Variants in SPHKAP observed in about 807,000 individuals in gnomAD.
SPHKAP encodes the protein SPHK1 interactor, AKAP domain containing.
A neutral mutation model predicts 137.5 loss-of-function variants in SPHKAP; 67 were observed. That is an observed-to-expected ratio of 0.49 (90% CI 0.40 to 0.60). The LOEUF is 0.60. SPHKAP is among the 20% of genes least tolerant of loss of function. SPHKAP has a pLI of 0.00. For missense variants in SPHKAP, 2,097 were observed against 2,069.3 expected (o/e 1.01, Z -0.26); for synonymous variants, 813 against 785.3 (o/e 1.04, Z -0.59).
At chr2:227,999,242 T>C (rs1204429394) in intron 7 of SPHKAP, among the ~76,000 whole-genome samples, 1 of 152,192 alleles carries the variant, frequency 6.6e-6, no homozygotes, top group Non-Finnish European at 1.5e-5. Context: ...ATTTCCAGTA[T>C]GCTATGCTGC....
chr2:228,068,432 G>A (rs1265246767), intron 3 of SPHKAP, among the ~76,000 whole-genome samples: 1 of 151,216 alleles, frequency 6.6e-6, no homozygotes, highest in African/African-American at 2.4e-5. Flanking sequence ...AAGCCATCCT[G>A]AACCAAAAGA....
intron 3 of SPHKAP, among the ~76,000 whole-genome samples, chr2:228,065,687 G>A (rs923478285): frequency 2.6e-5 from 4 of 152,134 alleles, no homozygotes; most frequent in African/African-American, 7.2e-5. Context: ...TGCAAAGTGT[G>A]GGCTGCGGAA....
At position 227,980,749 on chromosome 2, in the gene SPHKAP, C is replaced by T. The variant is rs1367600410; in HGVS notation, c.*968G>A. Reference sequence around the variant, plus strand: ...TCTGCTGTACAGGTAGCAGCACATACGTGATGAAACAGGCCACTGAGCTCA... The same window carrying T: ...TCTGCTGTACAGGTAGCAGCACATATGTGATGAAACAGGCCACTGAGCTCA... On this transcript the variant is annotated 3_prime_UTR_variant, in exon 12 of 12. Coordinates refer to ENST00000392056, the MANE Select transcript of SPHKAP (RefSeq NM_001142644.2). The T allele has an allele frequency of 3.3e-5, 5 of 152,188 alleles. No homozygotes were observed. Among genetic ancestry groups the T allele is most frequent in the South Asian group, 4.2e-4 (2 of 4,812 alleles). 9.4% of individuals were successfully genotyped at this position (152,188 alleles called of 1,614,324 possible).
chr2:228,146,975 C>T (rs1699795416), intron 1 of SPHKAP, among the ~76,000 whole-genome samples: 1 of 152,174 alleles, frequency 6.6e-6, no homozygotes, highest in Non-Finnish European at 1.5e-5. Context: ...TACCAATCTC[C>T]ATCTTAAGGC....
intron 1 of SPHKAP, among the ~76,000 whole-genome samples, chr2:228,147,906 A>G (rs562036097): frequency 5.9e-5 from 9 of 152,156 alleles, no homozygotes; most frequent in African/African-American, 1.7e-4. Context: ...ATCAAGTGCA[A>G]CTTGATTTAC....
rs1692946258 is a variant in SPHKAP, at chr2:227,980,148, A to C, written c.*1569T>G. 6.6e-6 allele frequency: 1 copy of C among 152,662 alleles called. No individual in the cohort carries two copies. The highest frequency in any genetic ancestry group is 1.5e-5 in the Non-Finnish European group (1 of 68,044). The allele number at this position is 152,662 out of a possible 1,614,324, so 9.5% of individuals were successfully genotyped here. ...TTCTATTCCATTTGATAGCACAAAG[A>C]AGCACATTTCAGCGTGAATTGATGG... On this transcript the variant is annotated 3_prime_UTR_variant, in exon 12 of 12. Coordinates refer to ENST00000392056, the MANE Select transcript of SPHKAP (RefSeq NM_001142644.2).
chr2:228,043,451 C>T (rs1364235074), intron 3 of SPHKAP, among the ~76,000 whole-genome samples: 13 of 152,110 alleles, frequency 8.5e-5, no homozygotes, highest in Admixed American at 8.5e-4. Context: ...CTCAGCCTCC[C>T]GAGTAGCTGG....
intron 3 of SPHKAP, among the ~76,000 whole-genome samples, chr2:228,066,592 G>A (rs1462605119): frequency 6.6e-6 from 1 of 152,160 alleles, no homozygotes; most frequent in African/African-American, 2.4e-5. Flanking sequence ...AACACCCAGA[G>A]TCCCCTGAGC....
At chr2:228,145,821 G>A (rs1406186659) in intron 1 of SPHKAP, among the ~76,000 whole-genome samples, 2 of 152,108 alleles carry the variant, frequency 1.3e-5, no homozygotes, top group African/African-American at 4.8e-5. Context: ...CTGAAAGAAT[G>A]TACCTAAAAA....
intron 7 of SPHKAP, among the ~76,000 whole-genome samples, chr2:228,001,487 G>C (rs190039792): frequency 7.6e-6 from 1 of 132,148 alleles, no homozygotes; most frequent in Non-Finnish European, 1.6e-5. Context: ...ATATATATAC[G>C]TATATATAAG....
intron 3 of SPHKAP, among the ~76,000 whole-genome samples, chr2:228,030,233 C>T (rs1046213754): frequency 4.0e-5 from 6 of 151,888 alleles, no homozygotes; most frequent in East Asian, 1.9e-4. Flanking sequence ...AATGGAATAA[C>T]GGCCGCGTAC....
chr2:228,001,522 TATATACATATATATAAAA>T (rs1195465289), intron 7 of SPHKAP, among the ~76,000 whole-genome samples: 145 of 144,418 alleles, frequency 1.0e-3, no homozygotes, highest in African/African-American at 3.2e-3. Context: ...TATAAGAATA[TATATACATATATATAAAA>T]ATATACATAT....
chr2:228,137,443 C>T (rs547352501), intron 1 of SPHKAP, among the ~76,000 whole-genome samples: 2 of 152,256 alleles, frequency 1.3e-5, no homozygotes, highest in Admixed American at 1.3e-4. Flanking sequence ...AAAGAATTTC[C>T]CAGGATAGTT....
At chr2:228,156,125 T>C (rs1031024088) in intron 1 of SPHKAP, among the ~76,000 whole-genome samples, 1 of 152,240 alleles carries the variant, frequency 6.6e-6, no homozygotes, top group African/African-American at 2.4e-5. Context: ...TAATAAGATC[T>C]TTTATGTATA....
chr2:228,171,459 T>C (rs1225520244), intron 1 of SPHKAP, among the ~76,000 whole-genome samples: 1 of 152,184 alleles, frequency 6.6e-6, no homozygotes, highest in African/African-American at 2.4e-5. Flanking sequence ...TTTGCCTTTT[T>C]ATAAGTTTGC....
Position 227,993,515 on chromosome 2 carries a change from C to CTACTTACTTA in SPHKAP, c.4721+18_4721+19insTAAGTAAGTA. ...TGGAGTAGTGGTCTCACAATCACTGCATCTCAGTGGCTACTTACTTAATCA... is the reference window on the plus strand; with the variant it reads ...TGGAGTAGTGGTCTCACAATCACTGCTACTTACTTAATCTCAGTGGCTACTTACTTAATCA... On this transcript the variant is annotated intron_variant, in intron 9 of 11. Transcript: ENST00000392056. 2 of 1,583,408 alleles carry CTACTTACTTA rather than the reference C, an allele frequency of 1.3e-6. No homozygotes were observed. Among genetic ancestry groups the CTACTTACTTA allele is most frequent in the Non-Finnish European group, 1.7e-6 (2 of 1,162,136 alleles).
In SPHKAP at chr2:228,154,510, C is replaced by CTATATATA. The variant is rs1255951798; in HGVS notation, c.33-22426_33-22425insTATATATA. On this transcript the variant is annotated intron_variant, in intron 1 of 11. Transcript: ENST00000392056. ...TCTCTCTCTCTCTCTCTCTCTCTCT[C>CTATATATA]TCTATATATATATATATATATATTT... 5.7e-3 allele frequency among the ~76,000 whole-genome samples: 214 copies of CTATATATA among 37,446 alleles called. 1 individual carries two copies. Among genetic ancestry groups the CTATATATA allele is most frequent in the East Asian group, 0.014 (11 of 762 alleles). The allele number at this position is 37,446 out of a possible 152,430, so 24.6% of individuals were successfully genotyped here.
At position 228,152,970 on chromosome 2, in the gene SPHKAP, A is replaced by G. The variant is rs544643803; in HGVS notation, c.33-20885T>C. On this transcript the variant is annotated intron_variant, in intron 1 of 11. Coordinates refer to ENST00000392056, the MANE Select transcript of SPHKAP (RefSeq NM_001142644.2). ...AATCATGGAGGGAGTTTCCCCTATA[A>G]CTGTTCTCGTGGTTTTAAGTCTCAC... is the stretch of plus-strand genomic sequence containing the variant. 3.7e-4 allele frequency among the ~76,000 whole-genome samples: 56 copies of G among 151,846 alleles called. 1 individual carries two copies. Among genetic ancestry groups the G allele is most frequent in the African/African-American group, 1.3e-3 (54 of 41,424 alleles).
Position 227,994,455 on chromosome 2 carries a change from CA to C in SPHKAP, c.4635-836del, listed in dbSNP as rs1693545046. 2.0e-5 allele frequency among the ~76,000 whole-genome samples: 3 copies of C among 152,276 alleles called. No homozygotes were observed. The South Asian group carries it at 6.2e-4, about 32-fold the overall frequency. On this transcript the variant is annotated intron_variant, in intron 8 of 11. Transcript: ENST00000392056. ...AGTCTCCTCACACCTTCTCTGTTTC[CA>C]GTGATGTCTCTTTCAAGCAAGTCTT...
Sources: allele counts gnomAD v4.1 joint callset (sites outside exome capture counted in the v4.1 genomes callset), GRCh38; gene constraint gnomAD v4.1.1; transcripts MANE v1.5; gene names NCBI Gene and HGNC (gene_info 2026-07-23, HGNC 2026-07-21).